UNC13C: variants seen among roughly 807,000 people sequenced by gnomAD.
The protein encoded by UNC13C is unc-13 homolog C.
A neutral mutation model predicts 245.4 loss-of-function variants in UNC13C; 174 were observed. The ratio of observed to expected loss-of-function variants is 0.71; its 90% CI spans 0.63 to 0.80. The LOEUF (loss-of-function observed/expected upper bound fraction) is 0.80. Among genes scored for constraint, UNC13C ranks in the 30% least tolerant of loss-of-function variants. The probability of loss-of-function intolerance (pLI) is 0.00; values close to 1 mark genes in which losing one functional copy is unlikely to be tolerated. For missense variants in UNC13C, 2,829 were observed against 2,602.9 expected (o/e 1.09, Z -1.89); for synonymous variants, 992 against 895.1 (o/e 1.11, Z -1.93).
chr15:54,221,649 G>A (rs1196280593), intron 4 of UNC13C, among the ~76,000 whole-genome samples: 1 of 149,338 alleles, frequency 6.7e-6, no homozygotes, highest in Non-Finnish European at 1.5e-5. Context: ...TTGCTTTAAT[G>A]TTCCATAATG....
At chr15:53,937,266 T>C in the UNC13C span, among the ~76,000 whole-genome samples, 6 of 132,640 alleles carry the variant, frequency 4.5e-5, no homozygotes, top group African/African-American at 1.7e-4. Context: ...GAATAGGCCA[T>C]GCAGAGGAAA....
At chr15:54,101,107 A>G (rs4776205) in intron 2 of UNC13C, among the ~76,000 whole-genome samples, 108,644 of 151,992 alleles carry the variant, frequency 0.71, 39,364 homozygotes, top group East Asian at 0.89. Flanking sequence ...TCTCCATCTT[A>G]TTACATATTT....
rs376608203 is a variant in UNC13C, at chr15:54,465,386, G to T, written c.4934-29222G>T. 3.9e-5 allele frequency among the ~76,000 whole-genome samples: 6 copies of T among 152,042 alleles called. 1 individual carries two copies. The highest frequency in any genetic ancestry group is 1.3e-4 in the Admixed American group (2 of 15,284). On this transcript the variant is annotated intron_variant, in intron 19 of 32. Transcript: ENST00000260323. ...TATTTAAACATTTTATGGCTTCTATGCTTTATAAATACTTTGGTAGATATG... is the reference window on the plus strand; with the variant it reads ...TATTTAAACATTTTATGGCTTCTATTCTTTATAAATACTTTGGTAGATATG...
intron 13 of UNC13C, among the ~76,000 whole-genome samples, chr15:54,304,659 A>C (rs947573349): frequency 1.3e-5 from 2 of 151,474 alleles, no homozygotes; most frequent in Non-Finnish European, 2.9e-5. Flanking sequence ...TAACTAAAAA[A>C]AAAAAAAAAA....
intron 17 of UNC13C, 72 bp from the exon 18 acceptor site, chr15:54,392,976 T>C: frequency 7.1e-7 from 1 of 1,403,870 alleles, no homozygotes; most frequent in South Asian, 1.8e-5. Flanking sequence ...GATCTTCTAT[T>C]TGACAGTGAC....
At chr15:53,894,742 ATATT>A in the UNC13C span, among the ~76,000 whole-genome samples, 1 of 152,182 alleles carries the variant, frequency 6.6e-6, no homozygotes, top group Non-Finnish European at 1.5e-5. Context: ...TCTTTCTGAA[ATATT>A]TATTTATTCA....
At chr15:54,529,588 T>C (rs1895642368) in intron 25 of UNC13C, among the ~76,000 whole-genome samples, 1 of 152,194 alleles carries the variant, frequency 6.6e-6, no homozygotes, top group Non-Finnish European at 1.5e-5. Flanking sequence ...GGAGAATGTA[T>C]GCATGAATAA....
At chr15:53,939,906 T>A in the UNC13C span, among the ~76,000 whole-genome samples, 23,518 of 152,092 alleles carry the variant, frequency 0.15, 2,170 homozygotes, top group Middle Eastern at 0.22. Context: ...GCCTTGAGCT[T>A]ACAAGATGAT....
At chr15:54,280,132 AACATAT>A (rs369356154) in intron 10 of UNC13C, among the ~76,000 whole-genome samples, 25 of 152,282 alleles carry the variant, frequency 1.6e-4, no homozygotes, top group African/African-American at 5.8e-4. Context: ...CAAGTTTATA[AACATAT>A]ACATATACAA....
At chr15:54,290,197 C>CA (rs1013344043) in intron 10 of UNC13C, among the ~76,000 whole-genome samples, 14 of 151,972 alleles carry the variant, frequency 9.2e-5, no homozygotes, top group African/African-American at 2.4e-4. Context: ...TAATATTCCT[C>CA]AAAAAAAGCT....
intron 10 of UNC13C, among the ~76,000 whole-genome samples, chr15:54,269,248 A>C (rs1359082339): frequency 6.6e-6 from 1 of 151,866 alleles, no homozygotes; most frequent in East Asian, 1.9e-4. Context: ...TTCATCACTG[A>C]CATATCTCCA....
intron 1 of UNC13C, among the ~76,000 whole-genome samples, chr15:54,002,812 G>C (rs773550384): frequency 1.3e-5 from 2 of 152,218 alleles, no homozygotes; most frequent in African/African-American, 4.8e-5. Flanking sequence ...TTTAAGGACA[G>C]AGTTAGATTG....
chr15:53,960,292 A>G, the UNC13C span, among the ~76,000 whole-genome samples: 4 of 151,710 alleles, frequency 2.6e-5, no homozygotes, highest in African/African-American at 4.8e-5. Flanking sequence ...ACCCTAGAGC[A>G]GACTAACCAA....
chr15:54,468,730 C>T lies in UNC13C; in HGVS notation c.4934-25878C>T, dbSNP rs548113030. ...GTCCTTTCCCCATTGTGTGCACTGG[C>T]GCCTTTGTCAAAAATAAATTGACTA... On this transcript the variant is annotated intron_variant, in intron 19 of 32. Transcript: ENST00000260323. 1.4e-4 allele frequency among the ~76,000 whole-genome samples: 21 copies of T among 151,706 alleles called. No individual in the cohort carries two copies. The South Asian group carries it at 3.9e-3, about 28-fold the overall frequency.
At chr15:54,124,965 C>T (rs1338200551) in intron 2 of UNC13C, among the ~76,000 whole-genome samples, 1 of 152,080 alleles carries the variant, frequency 6.6e-6, no homozygotes, top group African/African-American at 2.4e-5. Flanking sequence ...GGGTCTTTTT[C>T]TGGGCTCTCT....
intron 19 of UNC13C, among the ~76,000 whole-genome samples, chr15:54,426,219 T>C (rs1370444542): frequency 6.6e-6 from 1 of 151,216 alleles, no homozygotes; most frequent in Non-Finnish European, 1.5e-5. Flanking sequence ...ATGATTTCAC[T>C]GGGTCCTCTG....
At chr15:54,296,172 C>T (rs2037424141) in intron 11 of UNC13C, among the ~76,000 whole-genome samples, 1 of 152,038 alleles carries the variant, frequency 6.6e-6, no homozygotes, top group Admixed American at 6.6e-5. Context: ...TTGCATTTCT[C>T]TTGGCCCCAG....
chr15:54,068,021 G>T (rs72739094), intron 2 of UNC13C, among the ~76,000 whole-genome samples: 2 of 152,046 alleles, frequency 1.3e-5, no homozygotes, highest in Non-Finnish European at 2.9e-5. Flanking sequence ...TTGAGAAGCA[G>T]TCTCTGTCAT....
intron 7 of UNC13C, among the ~76,000 whole-genome samples, chr15:54,242,163 T>A (rs1056274826): frequency 8.5e-5 from 13 of 152,184 alleles, no homozygotes; most frequent in African/African-American, 3.1e-4. Context: ...ACTAGCTTAA[T>A]AAGATAAGTG....
Sources: gnomAD v4.1 joint callset for allele counts (sites outside exome capture counted in the v4.1 genomes callset) on GRCh38, gnomAD v4.1.1 for gene constraint, MANE v1.5 for transcripts, NCBI Gene and HGNC (gene_info 2026-07-23, HGNC 2026-07-21) for gene names.